CCDC88A: variants seen among roughly 807,000 people sequenced by gnomAD.
CCDC88A encodes the protein coiled-coil and HOOK domain protein 88A.
Under a neutral mutation model 234.3 loss-of-function variants are expected in CCDC88A, and 54 were observed. The observed-to-expected ratio is 0.23, with a 90% CI of 0.19 to 0.29. The LOEUF is 0.29. Ranked by LOEUF, CCDC88A falls within the 10% of genes least tolerant of loss-of-function variation. The pLI is 1.00. For missense variants in CCDC88A, 1,832 were observed against 2,123.4 expected (o/e 0.86, Z 2.70); for synonymous variants, 753 against 737.8 (o/e 1.02, Z -0.33).
intron 5 of CCDC88A, among the ~76,000 whole-genome samples, chr2:55,369,422 C>T (rs940320442): frequency 1.3e-5 from 2 of 150,480 alleles, no homozygotes; most frequent in Non-Finnish European, 3.0e-5. Flanking sequence ...TGCCACTCAT[C>T]CCCATGAATC....
chr2:55,374,951 A>G, intron 3 of CCDC88A, 68 bp from the exon 4 acceptor site: 1 of 951,260 alleles, frequency 1.1e-6, no homozygotes, highest in Admixed American at 1.8e-5. Context: ...TCAAGCTATA[A>G]CTTATGATTT....
chr2:55,419,823 C>G lies in CCDC88A; in HGVS notation c.-744G>C, dbSNP rs985498154. ...GCACAAAATCACCGCCGCGCTCCAGCCTTCTCCGCCCTCTATGGAGAAGCC... is the reference window on the plus strand; with the variant it reads ...GCACAAAATCACCGCCGCGCTCCAGGCTTCTCCGCCCTCTATGGAGAAGCC... On this transcript the variant is annotated 5_prime_UTR_variant, in exon 1 of 33. Transcript: ENST00000436346. The G allele has an allele frequency of 6.6e-6, 1 of 152,518 alleles. No individual in the cohort carries two copies. Among genetic ancestry groups the G allele is most frequent in the Non-Finnish European group, 1.5e-5 (1 of 68,356 alleles). The allele number at this position is 152,518 out of a possible 1,614,324, so 9.4% of individuals were successfully genotyped here. A position where few individuals can be genotyped will look rare whatever the true frequency, so the allele number is the denominator to read the frequency against.
chr2:55,296,400 G>A lies in CCDC88A; in HGVS notation c.4949C>T (p.Thr1650Ile). 6.2e-7 allele frequency: 1 copy of A among 1,614,188 alleles called. No individual in the cohort carries two copies. ...SSPIQYLKRQ[T>I]RSSPVLQHKI... ...GTGCTGGAGCACTGGGCTTGATCTG[G>A]TCTGTCTTTTCAAGTACTGGATTGG... Residue 1650 changes from threonine to isoleucine, a missense_variant, in exon 30 of 33, where the codon ACC (threonine) becomes ATC (isoleucine). Around this residue, in one of 6 missense-constraint regions of CCDC88A, gnomAD observed 422 missense variants for 416.5 expected, o/e 1.01. Coordinates refer to ENST00000436346, the MANE Select transcript of CCDC88A (RefSeq NM_001365480.1).
Position 55,317,849 on chromosome 2 carries a change from A to T in CCDC88A, c.3325-8T>A, listed in dbSNP as rs749508851. The T allele has an allele frequency of 1.9e-6, 3 of 1,570,938 alleles. No homozygotes were observed. The highest frequency in any genetic ancestry group is 2.6e-6 in the Non-Finnish European group (3 of 1,151,344). On this transcript the variant is annotated splice_polypyrimidine_tract_variant and splice_region_variant and intron_variant, in intron 19 of 32. Transcript: ENST00000436346. The surrounding 1 kb of genome is among the most constrained non-coding windows in gnomAD (Gnocchi z 4.2). ...AAGGGTGGAATTTTCAACCTATAAG[A>T]ATATATATTGTTATCAGACATAAGA...
At chr2:55,296,749 A>T in intron 29 of CCDC88A, 1 of 542,828 alleles carries the variant, frequency 1.8e-6, no homozygotes. Context: ...TGTAAGCTCC[A>T]TAAGGGCAAA....
chr2:55,397,659 G>C (rs143920386), intron 2 of CCDC88A, among the ~76,000 whole-genome samples: 15 of 152,066 alleles, frequency 9.9e-5, no homozygotes, highest in African/African-American at 3.6e-4. Context: ...CAGAGTTGTT[G>C]TCAAGTTTGT....
intron 25 of CCDC88A, among the ~76,000 whole-genome samples, chr2:55,307,376 TGAGA>T (rs1305638324): frequency 6.7e-6 from 1 of 149,036 alleles, no homozygotes; most frequent in Non-Finnish European, 1.5e-5. Flanking sequence ...TTTTTTTTTT[TGAGA>T]GAGAGTTTCA....
chr2:55,355,496 A>G (rs1374622300), intron 8 of CCDC88A, 83 bp downstream of exon 8: 11 of 1,177,954 alleles, frequency 9.3e-6, no homozygotes, highest in Non-Finnish European at 1.3e-5. Flanking sequence ...CAAGCTAGCA[A>G]TATTTCCATA....
At chr2:55,388,028 A>G (rs1675986719) in intron 3 of CCDC88A, among the ~76,000 whole-genome samples, 7 of 152,190 alleles carry the variant, frequency 4.6e-5, no homozygotes, top group Admixed American at 4.6e-4. Context: ...TTGGAACAAT[A>G]CAATTAACAA....
intron 8 of CCDC88A, among the ~76,000 whole-genome samples, chr2:55,352,441 C>G (rs372665850): frequency 6.8e-6 from 1 of 146,280 alleles, no homozygotes; most frequent in Non-Finnish European, 1.5e-5. Flanking sequence ...AAAAAACACA[C>G]AAAAAAACAC....
At chr2:55,379,052 C>G (rs764487293) in intron 3 of CCDC88A, among the ~76,000 whole-genome samples, 3 of 152,006 alleles carry the variant, frequency 2.0e-5, no homozygotes, top group South Asian at 2.1e-4. Context: ...GGCCTGGATT[C>G]TAGCTATATT....
chr2:55,395,631 T>C (rs750216202), intron 2 of CCDC88A, among the ~76,000 whole-genome samples: 4 of 152,222 alleles, frequency 2.6e-5, no homozygotes, highest in African/African-American at 4.8e-5. Flanking sequence ...TTTTAAACCA[T>C]TGCTTTCTAT....
chr2:55,339,855 G>A lies in CCDC88A; in HGVS notation c.1334-207C>T, dbSNP rs370767398. The A allele has an allele frequency of 4.5e-4, 188 of 419,570 alleles. 1 individual carries two copies. Among genetic ancestry groups the A allele is most frequent in the African/African-American group, 3.4e-3 (162 of 47,704 alleles). 26.0% of individuals were successfully genotyped at this position (419,570 alleles called of 1,614,324 possible). A position where few individuals can be genotyped will look rare whatever the true frequency, so the allele number is the denominator to read the frequency against. ...CTTTTTTTCTTTTTTTTAAAGAGAC[G>A]GGGTCTCTCTCTGTCACCCAGGCTG... On this transcript the variant is annotated intron_variant, in intron 12 of 32. Coordinates refer to ENST00000436346, the MANE Select transcript of CCDC88A (RefSeq NM_001365480.1).
intron 3 of CCDC88A, among the ~76,000 whole-genome samples, chr2:55,383,024 T>C (rs935991146): frequency 1.3e-5 from 2 of 150,328 alleles, no homozygotes; most frequent in African/African-American, 4.9e-5. Context: ...AAAATGTGAA[T>C]GACATTAGAA....
chr2:55,352,009 T>C (rs1040321130), intron 8 of CCDC88A, among the ~76,000 whole-genome samples: 1 of 152,140 alleles, frequency 6.6e-6, no homozygotes, highest in African/African-American at 2.4e-5. Flanking sequence ...TACAATAAAA[T>C]GTCCAGAATA....
Position 55,317,992 on chromosome 2 carries a change from C to T in CCDC88A, c.3325-151G>A, listed in dbSNP as rs1248832802. 1 of 576,988 alleles carries T rather than the reference C, an allele frequency of 1.7e-6. No individual in the cohort carries two copies. The highest frequency in any genetic ancestry group is 1.9e-5 in the African/African-American group (1 of 53,500). The allele number at this position is 576,988 out of a possible 1,614,324, so 35.7% of individuals were successfully genotyped here. A position where few individuals can be genotyped will look rare whatever the true frequency, so the allele number is the denominator to read the frequency against. ...TGGGAAGACGTGGATTTTAGCTTCCCAAAGAATAAGGCTATCATTTAATTT... is the reference window on the plus strand; with the variant it reads ...TGGGAAGACGTGGATTTTAGCTTCCTAAAGAATAAGGCTATCATTTAATTT... On this transcript the variant is annotated intron_variant, in intron 19 of 32. Transcript: ENST00000436346. This position sits in a 1 kb window ranked among gnomAD's most constrained non-coding sequence, Gnocchi z 4.2.
intron 2 of CCDC88A, chr2:55,416,871 T>G (rs1273496916): frequency 6.6e-6 from 1 of 152,064 alleles, no homozygotes; most frequent in South Asian, 2.1e-4. Flanking sequence ...AATTTGATCT[T>G]ATTTTAGCAA....
intron 4 of CCDC88A, 147 bp downstream of exon 4, chr2:55,374,667 C>T: frequency 2.1e-6 from 1 of 477,034 alleles, no homozygotes; most frequent in Non-Finnish European, 3.8e-6. Flanking sequence ...AAGCTTGTCT[C>T]TTTCTATAAA....
intron 2 of CCDC88A, among the ~76,000 whole-genome samples, chr2:55,415,073 A>C (rs1439274098): frequency 1.3e-5 from 2 of 151,746 alleles, no homozygotes; most frequent in African/African-American, 4.8e-5. Context: ...TTCAAAAAAA[A>C]AAAAAAAGGT....
Sources: allele counts gnomAD v4.1 joint callset (sites outside exome capture counted in the v4.1 genomes callset), GRCh38; gene constraint gnomAD v4.1.1; regional missense constraint gnomAD v4.1.1; non-coding constraint Gnocchi (gnomAD v3.1); transcripts MANE v1.5; gene names NCBI Gene and HGNC (gene_info 2026-07-23, HGNC 2026-07-21).